Variants in PRTG observed in about 807,000 individuals in gnomAD.
The protein encoded by PRTG is protogenin.
Under a neutral mutation model 122.5 loss-of-function variants are expected in PRTG, and 67 were observed. The ratio of observed to expected loss-of-function variants is 0.55; its 90% CI spans 0.45 to 0.67. The LOEUF (loss-of-function observed/expected upper bound fraction) is 0.67. Ranked by LOEUF, PRTG falls within the 30% of genes least tolerant of loss-of-function variation. PRTG has a pLI of 0.00. For missense variants in PRTG, 1,435 were observed against 1,415.4 expected (o/e 1.01, Z -0.22); for synonymous variants, 554 against 501.1 (o/e 1.11, Z -1.41).
In PRTG at chr15:55,620,009, G is replaced by C. The variant is rs544145523; in HGVS notation, c.*3C>G. The stretch of plus-strand genomic sequence containing the variant: ...TCCACCTGAATCACTGCCAGTGAAA[G>C]AATCAGAGGTTGGGGGGTGTGGTAC... On this transcript the variant is annotated 3_prime_UTR_variant, in exon 20 of 20. Transcript: ENST00000389286. The C allele has an allele frequency of 2.5e-6, 4 of 1,613,784 alleles. No individual in the cohort carries two copies. The South Asian group carries it at 4.4e-5, about 18-fold the overall frequency.
intron 2 of PRTG, among the ~76,000 whole-genome samples, chr15:55,708,702 C>T (rs1279563406): frequency 1.3e-5 from 2 of 152,192 alleles, no homozygotes; most frequent in Non-Finnish European, 2.9e-5. Context: ...GCTTCTAGTA[C>T]ATTTTAATTT....
intron 16 of PRTG, among the ~76,000 whole-genome samples, chr15:55,627,840 T>G (rs191620507): frequency 1.3e-4 from 20 of 152,246 alleles, no homozygotes; most frequent in African/African-American, 4.8e-4. Flanking sequence ...CTTCTCAAAC[T>G]TTCATGTGCC....
At chr15:55,715,744 C>G (rs1405915101) in intron 2 of PRTG, among the ~76,000 whole-genome samples, 2 of 152,148 alleles carry the variant, frequency 1.3e-5, no homozygotes, top group African/African-American at 4.8e-5. Flanking sequence ...CAAAGGTTAA[C>G]CTTTGAGCTA....
At chr15:55,742,765 C>T (rs2031654938) in intron 1 of PRTG, 73 bp downstream of exon 1, 2 of 1,521,654 alleles carry the variant, frequency 1.3e-6, no homozygotes, top group Admixed American at 4.0e-5. Flanking sequence ...CCCATCGTTT[C>T]CTCTTTCCCC....
chr15:55,632,452 C>T (rs2059232885), intron 15 of PRTG, among the ~76,000 whole-genome samples: 1 of 152,200 alleles, frequency 6.6e-6, no homozygotes, highest in Non-Finnish European at 1.5e-5. Context: ...AATCCTTTCT[C>T]AACGTAAACC....
At position 55,740,534 on chromosome 15, in the gene PRTG, T is replaced by C. The variant is rs1049042404; in HGVS notation, c.245A>G (p.Asn82Ser). ...WLKNGAKMSE[N>S]KRIEVLSNGS... ...GTTAGAAAGAACCTCGATCCGTTTA[T>C]TTTCAGACATTTTTGCTCCATTTTT... The change falls in exon 2 of 20, where the codon AAT becomes AGT. Residue 82 changes from asparagine to serine, a missense_variant. Coordinates refer to ENST00000389286, the MANE Select transcript of PRTG (RefSeq NM_173814.6). 4 of 1,614,212 alleles carry C rather than the reference T, an allele frequency of 2.5e-6. No homozygotes were observed. The highest frequency in any genetic ancestry group is 2.5e-6 in the Non-Finnish European group (3 of 1,180,036).
chr15:55,636,664 C>T (rs1344770072), intron 15 of PRTG, among the ~76,000 whole-genome samples: 5 of 151,778 alleles, frequency 3.3e-5, no homozygotes, highest in Non-Finnish European at 7.4e-5. Flanking sequence ...TTTACCCCCC[C>T]GAGACAGAGT....
At chr15:55,725,581 G>A (rs1402679636) in intron 2 of PRTG, among the ~76,000 whole-genome samples, 2 of 151,034 alleles carry the variant, frequency 1.3e-5, no homozygotes, top group Admixed American at 6.6e-5. Context: ...GGGTGAGACA[G>A]TGACCCTGTC....
chr15:55,711,418 T>C (rs187375751), intron 2 of PRTG, among the ~76,000 whole-genome samples: 7 of 152,258 alleles, frequency 4.6e-5, no homozygotes, highest in Admixed American at 3.3e-4. Context: ...GGAAAACCAA[T>C]GTAATTTTGC....
chr15:55,629,375 A>ATGTGTG (rs59080250), intron 15 of PRTG, among the ~76,000 whole-genome samples: 971 of 47,658 alleles, frequency 0.02, 12 homozygotes, highest in Admixed American at 0.037. Context: ...ATATATATAT[A>ATGTGTG]TGTGTGTGTG....
At chr15:55,651,627 A>G (rs2059353664) in intron 11 of PRTG, among the ~76,000 whole-genome samples, 1 of 152,228 alleles carries the variant, frequency 6.6e-6, no homozygotes, top group Admixed American at 6.5e-5. Flanking sequence ...AAAATGCATA[A>G]GAAAAAACAA....
rs368933571 is a variant in PRTG at position 55,669,557 on chromosome 15, G to A, written c.2041+2888C>T. Among the ~76,000 whole-genome samples the A allele has an allele frequency of 2.9e-4, 44 of 152,312 alleles. No homozygotes were observed. In the South Asian group the frequency reaches 8.9e-3, roughly 31 times the overall value. Reference sequence around the variant, plus strand: ...AAAGGATAGCTGCTAACACTTGCCTGCTTAGTGAGTTAAACGTATTTGACT... The same window carrying A: ...AAAGGATAGCTGCTAACACTTGCCTACTTAGTGAGTTAAACGTATTTGACT... On this transcript the variant is annotated intron_variant, in intron 11 of 19. Transcript: ENST00000389286.
At chr15:55,670,639 G>A (rs1595635372) in intron 11 of PRTG, among the ~76,000 whole-genome samples, 4 of 152,034 alleles carry the variant, frequency 2.6e-5, no homozygotes, top group East Asian at 3.9e-4. Context: ...AGTGGCTCAC[G>A]CCTGTAATCC....
At chr15:55,635,512 G>A (rs551555502) in intron 15 of PRTG, among the ~76,000 whole-genome samples, 1 of 152,290 alleles carries the variant, frequency 6.6e-6, no homozygotes, top group East Asian at 1.9e-4. Flanking sequence ...AAAGAATTGT[G>A]AGAAAACAAA....
chr15:55,678,163 A>G, intron 7 of PRTG, 119 bp from the exon 8 acceptor site: 1 of 680,116 alleles, frequency 1.5e-6, no homozygotes, highest in South Asian at 2.2e-5. Context: ...ATTAAAATCA[A>G]GCATTTGTAG....
intron 13 of PRTG, 98 bp downstream of exon 13, chr15:55,639,542 GGT>G: frequency 2.0e-6 from 2 of 1,003,318 alleles, no homozygotes; most frequent in Non-Finnish European, 3.0e-6. Flanking sequence ...AATGCTTACA[GGT>G]GAAGCCCGAG....
chr15:55,654,226 G>A (rs969584441), intron 11 of PRTG, among the ~76,000 whole-genome samples: 1 of 152,160 alleles, frequency 6.6e-6, no homozygotes, highest in African/African-American at 2.4e-5. Context: ...CCAATTAATG[G>A]AAATATGGTG....
In PRTG at chr15:55,673,448, G is replaced by A. The variant is rs775423296; in HGVS notation, c.1775C>T (p.Thr592Ile). Residue 592 changes from threonine (T) to isoleucine (I), a missense_variant, in exon 10 of 20, where the codon ACT (threonine) becomes ATT (isoleucine). Thr to Ile is a moderately conservative substitution (Grantham distance 89). Coordinates refer to ENST00000389286, the MANE Select transcript of PRTG (RefSeq NM_173814.6). ...TCCCAGCCCCACTCTGGTGGCAGCA[G>A]TAATCCGAACCAGGTAGACACTGTC... The part of the protein sequence containing the change: ...KPDSVYLVRI[T>I]AATRVGLGES... 6.2e-7 allele frequency: 1 copy of A among 1,614,156 alleles called. No homozygotes were observed. The highest frequency in any genetic ancestry group is 8.5e-7 in the Non-Finnish European group (1 of 1,180,020).
intron 1 of PRTG, chr15:55,742,620 G>A (rs549100168): frequency 3.7e-6 from 2 of 543,966 alleles, no homozygotes; most frequent in South Asian, 4.9e-5. Context: ...AGAAGCTCCC[G>A]CAGCCCTGCC....
Sources: allele counts gnomAD v4.1 joint callset (sites outside exome capture counted in the v4.1 genomes callset), GRCh38; gene constraint gnomAD v4.1.1; transcripts MANE v1.5; gene names NCBI Gene and HGNC (gene_info 2026-07-23, HGNC 2026-07-21).